DCLK1: variants seen among roughly 807,000 people sequenced by gnomAD.
The protein encoded by DCLK1 is serine/threonine-protein kinase DCLK1.
DCLK1 carries 16 observed loss-of-function variants against 86.2 expected under a neutral mutation model. The observed-to-expected ratio is 0.19, with a 90% CI of 0.13 to 0.28. The LOEUF (loss-of-function observed/expected upper bound fraction) is 0.28. Ranked by LOEUF, DCLK1 falls within the 10% of genes least tolerant of loss-of-function variation. DCLK1 has a pLI of 1.00. For missense variants in DCLK1, 590 were observed against 940.2 expected, an observed-to-expected ratio of 0.63 and a Z score of 4.87; for synonymous variants, 369 against 370.5, an observed-to-expected ratio of 1.00 and a Z score of 0.05.
chr13:35,962,930 A>G (rs146078948), intron 3 of DCLK1, among the ~76,000 whole-genome samples: 68 of 152,228 alleles, frequency 4.5e-4, no homozygotes, highest in African/African-American at 1.6e-3. Context: ...TGCTTTGTTC[A>G]TTGTTAGTTG....
intron 3 of DCLK1, among the ~76,000 whole-genome samples, chr13:36,069,013 G>A (rs1360212089): frequency 2.6e-5 from 4 of 152,202 alleles, no homozygotes; most frequent in African/African-American, 9.7e-5. Flanking sequence ...CTTTAGCATA[G>A]TCTAACGCAT....
chr13:35,884,017 C>T (rs187576093), intron 4 of DCLK1, among the ~76,000 whole-genome samples: 10 of 152,254 alleles, frequency 6.6e-5, no homozygotes, highest in Admixed American at 2.0e-4. Flanking sequence ...TTCCCTGAAC[C>T]TACTATATTA....
chr13:35,924,094 ACTT>A (rs1490824130), intron 4 of DCLK1, among the ~76,000 whole-genome samples: 4 of 152,042 alleles, frequency 2.6e-5, no homozygotes, highest in African/African-American at 9.7e-5. Flanking sequence ...CCCAAAGTAT[ACTT>A]CTCCCTGACC....
chr13:35,937,843 A>T (rs995569927), intron 4 of DCLK1, among the ~76,000 whole-genome samples: 1 of 152,168 alleles, frequency 6.6e-6, no homozygotes, highest in Admixed American at 6.5e-5. Context: ...ATTATTTATT[A>T]TTATTTTTTA....
chr13:35,947,196 T>TA (rs902111155), intron 4 of DCLK1, among the ~76,000 whole-genome samples, 162 bp downstream of exon 4: 62 of 150,404 alleles, frequency 4.1e-4, no homozygotes, highest in African/African-American at 1.4e-3. Flanking sequence ...TTTCCATATT[T>TA]AAAAAAAAAA....
intron 16 of DCLK1, among the ~76,000 whole-genome samples, chr13:35,778,196 A>C (rs1318176375): frequency 6.6e-6 from 1 of 152,224 alleles, no homozygotes; most frequent in Non-Finnish European, 1.5e-5. Flanking sequence ...TCCATTCTGC[A>C]CACAGCTGTC....
chr13:35,997,249 T>C (rs1274711273), intron 3 of DCLK1, among the ~76,000 whole-genome samples: 1 of 152,244 alleles, frequency 6.6e-6, no homozygotes, highest in Non-Finnish European at 1.5e-5. Context: ...TGGATCAAGT[T>C]CTTTTTAATG....
chr13:35,769,011 C>T lies in DCLK1; in HGVS notation c.*5524G>A, dbSNP rs1741629159. 1.3e-5 allele frequency: 2 copies of T among 152,112 alleles called. No homozygotes were observed. The highest frequency in any genetic ancestry group is 2.1e-4 in the South Asian group (1 of 4,822). The allele number at this position is 152,112 out of a possible 1,614,324, so 9.4% of individuals were successfully genotyped here. A position where few individuals can be genotyped will look rare whatever the true frequency, so the allele number is the denominator to read the frequency against. On this transcript the variant is annotated 3_prime_UTR_variant, in exon 17 of 17. Coordinates refer to ENST00000360631, the MANE Select transcript of DCLK1 (RefSeq NM_001330071.2). ...ACACCAAGTACTATTATTTTATTAA[C>T]TTTAAGAACATGTTTTACATAAAAA...
intron 4 of DCLK1, among the ~76,000 whole-genome samples, chr13:35,926,225 A>C (rs1481282816): frequency 2.0e-5 from 3 of 152,044 alleles, no homozygotes; most frequent in Admixed American, 6.5e-5. Flanking sequence ...TGCCCGGCTA[A>C]TTTTTGCATG....
Position 35,864,552 on chromosome 13 carries a change from G to A in DCLK1, c.940+6672C>T, listed in dbSNP as rs865910645. Among the ~76,000 whole-genome samples the A allele has an allele frequency of 1.3e-3, 70 of 52,656 alleles. 5 individuals are homozygous for A. Among genetic ancestry groups the A allele is most frequent in the Admixed American group, 3.4e-3 (11 of 3,234 alleles). 34.5% of individuals were successfully genotyped at this position (52,656 alleles called of 152,430 possible). A position where few individuals can be genotyped will look rare whatever the true frequency, so the allele number is the denominator to read the frequency against. On this transcript the variant is annotated intron_variant, in intron 5 of 16. Transcript: ENST00000360631. ...TGCACTCCAGCCTGGGCGACAGAGC[G>A]AGACTCCGTCTCAAAAAAAAAAAAA...
At chr13:35,896,538 C>CAAAAAAAAAA (rs10675684) in intron 4 of DCLK1, among the ~76,000 whole-genome samples, 1 of 42,578 alleles carries the variant, frequency 2.3e-5, no homozygotes, top group African/African-American at 1.1e-4. Flanking sequence ...AATTCCACCT[C>CAAAAAAAAAA]AAAAAAAAAA....
intron 5 of DCLK1, among the ~76,000 whole-genome samples, chr13:35,866,862 T>C (rs1046944951): frequency 1.3e-5 from 2 of 152,212 alleles, no homozygotes; most frequent in Non-Finnish European, 2.9e-5. Flanking sequence ...GTAATCCATA[T>C]AGAGACAATT....
At chr13:35,790,871 CT>C in intron 16 of DCLK1, among the ~76,000 whole-genome samples, 1 of 152,204 alleles carries the variant, frequency 6.6e-6, no homozygotes, top group East Asian at 1.9e-4. Flanking sequence ...TGATAGTCCC[CT>C]GATAGTCAGC....
chr13:35,862,730 T>C (rs1049867609), intron 5 of DCLK1, among the ~76,000 whole-genome samples: 3 of 152,306 alleles, frequency 2.0e-5, no homozygotes, highest in Admixed American at 2.0e-4. Flanking sequence ...TGCCATATAG[T>C]TTAATGTCTT....
chr13:35,780,905 C>T (rs2086513963), intron 16 of DCLK1, among the ~76,000 whole-genome samples: 1 of 149,334 alleles, frequency 6.7e-6, no homozygotes, highest in South Asian at 2.1e-4. Context: ...AAATAAAAGA[C>T]AGTGCTTGCC....
intron 3 of DCLK1, among the ~76,000 whole-genome samples, chr13:36,092,144 C>G (rs1454737185): frequency 6.6e-6 from 1 of 152,042 alleles, no homozygotes; most frequent in Non-Finnish European, 1.5e-5. Context: ...ATATACAACT[C>G]CAAATCTGCT....
chr13:35,967,112 C>T (rs1369991954), intron 3 of DCLK1, among the ~76,000 whole-genome samples: 15 of 150,258 alleles, frequency 1.0e-4, no homozygotes, highest in South Asian at 2.1e-4. Flanking sequence ...ACCTCTGCCT[C>T]GCCGCCCCAT....
chr13:35,910,795 T>G (rs1874973725), intron 4 of DCLK1, among the ~76,000 whole-genome samples: 1 of 152,082 alleles, frequency 6.6e-6, no homozygotes, highest in Non-Finnish European at 1.5e-5. Context: ...GAATTTGAGG[T>G]GGCAAAAAAG....
intron 16 of DCLK1, among the ~76,000 whole-genome samples, chr13:35,779,267 C>T (rs1177099796): frequency 6.6e-6 from 1 of 152,148 alleles, no homozygotes; most frequent in African/African-American, 2.4e-5. Context: ...TGAGCCACTG[C>T]GCCCGGCCAA....
Sources: gnomAD v4.1 joint callset for allele counts (sites outside exome capture counted in the v4.1 genomes callset) on GRCh38, gnomAD v4.1.1 for gene constraint, MANE v1.5 for transcripts, NCBI Gene and HGNC (gene_info 2026-07-23, HGNC 2026-07-21) for gene names.